The following ECSIT variants were observed in gnomAD, a reference collection of about 807,000 sequenced individuals.
The protein encoded by ECSIT is evolutionarily conserved signaling intermediate in Toll pathway, mitochondrial.
A neutral mutation model predicts 36.8 loss-of-function variants in ECSIT; 29 were observed. The observed-to-expected ratio is 0.79, with a 90% CI of 0.59 to 1.08. The LOEUF is 1.08. Among genes scored for constraint, ECSIT ranks in the 50% least tolerant of loss-of-function variants. The probability of loss-of-function intolerance (pLI) is 0.00; values close to 1 mark genes in which losing one functional copy is unlikely to be tolerated. For synonymous variants in ECSIT, 231 were observed against 234.8 expected, an observed-to-expected ratio of 0.98 and a Z score of 0.15; for missense variants, 542 against 581.0, an observed-to-expected ratio of 0.93 and a Z score of 0.69.
rs904669762 is a variant in ECSIT, at chr19:11,527,749, G to A, written c.-24+1313C>T. Among the ~76,000 whole-genome samples, 8 of 151,986 alleles carry A rather than the reference G, an allele frequency of 5.3e-5. No homozygotes were observed. In the East Asian group the frequency reaches 1.5e-3, roughly 29 times the overall value. On this transcript the variant is annotated intron_variant, in intron 1 of 7. Transcript: ENST00000270517. The stretch of plus-strand genomic sequence containing the variant: ...TCATGCCTATAATCCTAGTGCTTTG[G>A]AAGTCCAAGTGGGGAGGATCGCTTG...
chr19:11,510,632 C>T (rs931413131), intron 4 of ECSIT: 5 of 151,924 alleles, frequency 3.3e-5, no homozygotes, highest in Middle Eastern at 3.2e-3. Flanking sequence ...GGGAGGGAGA[C>T]GGGCGGCGTC....
intron 4 of ECSIT, among the ~76,000 whole-genome samples, chr19:11,509,002 T>G (rs1971815234): frequency 6.6e-6 from 1 of 151,946 alleles, no homozygotes; most frequent in Non-Finnish European, 1.5e-5. Context: ...GAGGACAGGG[T>G]GGGAAGGAAT....
intron 1 of ECSIT, among the ~76,000 whole-genome samples, chr19:11,521,789 A>G (rs1351482993): frequency 1.3e-5 from 2 of 148,808 alleles, no homozygotes; most frequent in Non-Finnish European, 3.0e-5. Flanking sequence ...AATAAGAATA[A>G]GACCAGGTGT....
intron 1 of ECSIT, chr19:11,522,464 G>A (rs940880987): frequency 1.4e-5 from 20 of 1,449,492 alleles, no homozygotes; most frequent in Middle Eastern, 2.4e-4. Context: ...CACAAGCCAC[G>A]CTTCACCACC....
chr19:11,506,175 C>G lies in ECSIT; in HGVS notation c.*9G>C, dbSNP rs2144960313. 3 of 1,603,160 alleles carry G rather than the reference C, an allele frequency of 1.9e-6. No individual in the cohort carries two copies. The East Asian group carries it at 6.7e-5, about 36-fold the overall frequency. ...CGGGCCACAGCCCGTGCCCTCGCGC[C>G]GGCTCAGACTAGCTCTGGCCCTGCT... On this transcript the variant is annotated 3_prime_UTR_variant, in exon 8 of 8. Coordinates refer to ENST00000270517, the MANE Select transcript of ECSIT (RefSeq NM_016581.5).
At chr19:11,526,028 A>T (rs1972209655) in intron 1 of ECSIT, among the ~76,000 whole-genome samples, 1 of 151,148 alleles carries the variant, frequency 6.6e-6, no homozygotes, top group Non-Finnish European at 1.5e-5. Context: ...GCAGTGGTGC[A>T]ATCTTGGCTC....
intron 4 of ECSIT, 32 bp from the exon 5 acceptor site, chr19:11,508,080 A>G (rs1166690233): frequency 6.2e-7 from 1 of 1,612,566 alleles, no homozygotes; most frequent in Non-Finnish European, 8.5e-7. Context: ...TAATCTTGTA[A>G]CCCCCAATCC....
intron 1 of ECSIT, among the ~76,000 whole-genome samples, chr19:11,520,228 A>G (rs1327789811): frequency 5.3e-5 from 8 of 151,952 alleles, no homozygotes; most frequent in Non-Finnish European, 8.8e-5. Flanking sequence ...CTGAAGTGCA[A>G]TAGTGCCATC....
At chr19:11,521,222 C>T (rs998572653) in intron 1 of ECSIT, among the ~76,000 whole-genome samples, 1 of 152,174 alleles carries the variant, frequency 6.6e-6, no homozygotes, top group Non-Finnish European at 1.5e-5. Flanking sequence ...GTTATAACTA[C>T]TACTGCCATG....
rs145961795 is a variant in ECSIT, at chr19:11,512,018, G to C, written c.738+1038C>G. Reference sequence around the variant, plus strand: ...CAGCACTCCAGCCTGGCGACAGAGCGAGACTCCATCTCAAAAAAAAAACAA... The same window carrying C: ...CAGCACTCCAGCCTGGCGACAGAGCCAGACTCCATCTCAAAAAAAAAACAA... On this transcript the variant is annotated intron_variant, in intron 4 of 7. Coordinates refer to ENST00000270517, the MANE Select transcript of ECSIT (RefSeq NM_016581.5). 4.0e-5 allele frequency among the ~76,000 whole-genome samples: 6 copies of C among 149,108 alleles called. No homozygotes were observed. In the South Asian group the frequency reaches 1.0e-3, roughly 26 times the overall value.
At chr19:11,522,507 C>T in intron 1 of ECSIT, 1 of 1,024,774 alleles carries the variant, frequency 9.8e-7, no homozygotes, top group Non-Finnish European at 1.5e-6. Flanking sequence ...AGGGGTAGGG[C>T]CCTCACCCAG....
At chr19:11,524,787 A>G (rs1408628292) in intron 1 of ECSIT, among the ~76,000 whole-genome samples, 1 of 152,078 alleles carries the variant, frequency 6.6e-6, no homozygotes, top group Non-Finnish European at 1.5e-5. Flanking sequence ...TTGTGCTACC[A>G]CACTCTGGCT....
At chr19:11,511,122 G>A (rs1304183528) in intron 4 of ECSIT, among the ~76,000 whole-genome samples, 1 of 152,030 alleles carries the variant, frequency 6.6e-6, no homozygotes, top group Non-Finnish European at 1.5e-5. Flanking sequence ...CAGCACCCCG[G>A]GCTTCTCCAT....
rs1292684397 is a variant in ECSIT at position 11,505,943 on chromosome 19, A to C, written c.*241T>G. 3.4e-6 allele frequency: 3 copies of C among 890,868 alleles called. No individual in the cohort carries two copies. The highest frequency in any genetic ancestry group is 6.7e-5 in the Admixed American group (2 of 29,764). The allele number at this position is 890,868 out of a possible 1,614,324, so 55.2% of individuals were successfully genotyped here. A position where few individuals can be genotyped will look rare whatever the true frequency, so the allele number is the denominator to read the frequency against. ...GAAACTGCGCATGCGCACAACCAACAGCGCTCCCGCCCCTTTTTATTTGAA... is the reference window on the plus strand; with the variant it reads ...GAAACTGCGCATGCGCACAACCAACCGCGCTCCCGCCCCTTTTTATTTGAA... On this transcript the variant is annotated 3_prime_UTR_variant, in exon 8 of 8. Transcript: ENST00000270517.
At chr19:11,512,982 A>C (rs1424504732) in intron 4 of ECSIT, 74 bp downstream of exon 4, 1 of 1,422,148 alleles carries the variant, frequency 7.0e-7, no homozygotes, top group Non-Finnish European at 9.9e-7. Context: ...AGAGTGAGAG[A>C]AGGGGAGCCC....
At chr19:11,507,168 G>A (rs1971762629) in intron 7 of ECSIT, among the ~76,000 whole-genome samples, 1 of 152,174 alleles carries the variant, frequency 6.6e-6, no homozygotes, top group South Asian at 2.1e-4. Flanking sequence ...GCCGGAGGAC[G>A]AGGGTGTAAG....
At chr19:11,521,237 T>C (rs1972096854) in intron 1 of ECSIT, among the ~76,000 whole-genome samples, 1 of 152,302 alleles carries the variant, frequency 6.6e-6, no homozygotes, top group East Asian at 1.9e-4. Flanking sequence ...GCCATGAACA[T>C]TCGTGTAGAA....
chr19:11,509,626 G>A (rs547314551), intron 4 of ECSIT, among the ~76,000 whole-genome samples: 62 of 151,250 alleles, frequency 4.1e-4, no homozygotes, highest in South Asian at 2.3e-3. Flanking sequence ...AAATTAGCCA[G>A]GCGTGGTGGC....
At position 11,519,095 on chromosome 19, in the gene ECSIT, T is replaced by G; in HGVS notation, c.76A>C (p.Thr26Pro). The change falls in exon 2 of 8, where the codon ACA becomes CCA. Residue 26 changes from threonine to proline, a missense_variant. Physicochemically the swap from Thr to Pro is conservative, Grantham distance 38. Coordinates refer to ENST00000270517, the MANE Select transcript of ECSIT (RefSeq NM_016581.5). This position sits in a 1 kb window ranked among gnomAD's most constrained non-coding sequence, Gnocchi z 4.4. Reference protein sequence around the residue: ...AWGGTCGAALTGTSISQVPRR... With the variant: ...AWGGTCGAALPGTSISQVPRR... ...CTTACCTGAGAGATGGAGGTTCCTG[T>G]GAGGGCGGCCCCGCAGGTGCCTCCC... The G allele has an allele frequency of 6.4e-7, 1 of 1,551,378 alleles. No homozygotes were observed. The highest frequency in any genetic ancestry group is 2.4e-5 in the East Asian group (1 of 40,898).
Sources: allele counts gnomAD v4.1 joint callset (sites outside exome capture counted in the v4.1 genomes callset), GRCh38; gene constraint gnomAD v4.1.1; non-coding constraint Gnocchi (gnomAD v3.1); transcripts MANE v1.5; gene names NCBI Gene and HGNC (gene_info 2026-07-23, HGNC 2026-07-21).